Variants in XKR9 observed in about 807,000 individuals in gnomAD.
XKR9 encodes XK-related protein 9.
Under a neutral mutation model 32.0 loss-of-function variants are expected in XKR9, and 32 were observed. That is an observed-to-expected ratio of 1.00 (90% CI 0.76 to 1.34). XKR9 has a LOEUF of 1.34. Among genes scored for constraint, XKR9 ranks in the 40% most tolerant of loss-of-function variants. The pLI, the probability that XKR9 is intolerant of heterozygous loss-of-function variation, is 0.00. For synonymous variants in XKR9, 168 were observed against 143.4 expected (o/e 1.17, Z -1.22); for missense variants, 546 against 429.7 (o/e 1.27, Z -2.39).
At chr8:71,031,351 C>T in the XKR9 span, among the ~76,000 whole-genome samples, 485 of 152,260 alleles carry the variant, frequency 3.2e-3, 2 homozygotes, top group African/African-American at 0.011. Flanking sequence ...ATATACAGGA[C>T]ATTAAAATAT....
chr8:70,800,612 A>C, the XKR9 span, among the ~76,000 whole-genome samples: 1 of 152,128 alleles, frequency 6.6e-6, no homozygotes, highest in Non-Finnish European at 1.5e-5. Flanking sequence ...CAGCCTCCCA[A>C]GTAGGTGGGA....
At chr8:71,039,738 T>G in the XKR9 span, among the ~76,000 whole-genome samples, 4 of 152,160 alleles carry the variant, frequency 2.6e-5, no homozygotes, top group Non-Finnish European at 1.5e-5. Flanking sequence ...TCTCTCTGGG[T>G]TGACTCCCCT....
At chr8:70,697,052 G>T (rs1362194175) in intron 3 of XKR9, among the ~76,000 whole-genome samples, 1 of 146,584 alleles carries the variant, frequency 6.8e-6, no homozygotes, top group East Asian at 1.9e-4. Flanking sequence ...AGACTTTGCC[G>T]AAGTTGCTTA....
At chr8:70,869,849 G>A in the XKR9 span, among the ~76,000 whole-genome samples, 1 of 151,718 alleles carries the variant, frequency 6.6e-6, no homozygotes, top group East Asian at 1.9e-4. Context: ...TTATTATATA[G>A]TACCTTAGGC....
At chr8:70,850,729 A>G in the XKR9 span, among the ~76,000 whole-genome samples, 4 of 152,138 alleles carry the variant, frequency 2.6e-5, no homozygotes, top group African/African-American at 9.7e-5. Context: ...ATAAAATTCT[A>G]TACCCCTACT....
At chr8:71,015,099 C>A in the XKR9 span, among the ~76,000 whole-genome samples, 2 of 152,084 alleles carry the variant, frequency 1.3e-5, no homozygotes, top group East Asian at 3.9e-4. Flanking sequence ...CAAAGTGGTT[C>A]GTTTTGTGGG....
the XKR9 span, among the ~76,000 whole-genome samples, chr8:70,931,074 C>T: frequency 6.6e-6 from 1 of 150,982 alleles, no homozygotes; most frequent in African/African-American, 2.4e-5. Flanking sequence ...GAGAGAAATT[C>T]ATTTTCTTGT....
At chr8:70,895,847 A>T in the XKR9 span, among the ~76,000 whole-genome samples, 1 of 151,572 alleles carries the variant, frequency 6.6e-6, no homozygotes, top group Non-Finnish European at 1.5e-5. Flanking sequence ...AAGAAAAAAA[A>T]ATTAGCCGGG....
chr8:70,704,567 A>G (rs1805654123), intron 3 of XKR9, among the ~76,000 whole-genome samples: 1 of 152,196 alleles, frequency 6.6e-6, no homozygotes. Context: ...TAAACCAGGA[A>G]GTAGTGGAGC....
At chr8:70,928,018 A>T in the XKR9 span, among the ~76,000 whole-genome samples, 7 of 152,162 alleles carry the variant, frequency 4.6e-5, no homozygotes, top group Non-Finnish European at 8.8e-5. Flanking sequence ...TTGCTTTTCT[A>T]TCAGGGCTCA....
the XKR9 span, among the ~76,000 whole-genome samples, chr8:70,982,209 A>T: frequency 6.6e-6 from 1 of 152,144 alleles, no homozygotes; most frequent in African/African-American, 2.4e-5. Flanking sequence ...CTCGTTAAGT[A>T]TTCAGGTTTT....
chr8:70,968,295 T>C, the XKR9 span, among the ~76,000 whole-genome samples: 3 of 152,204 alleles, frequency 2.0e-5, no homozygotes, highest in African/African-American at 7.2e-5. Context: ...TCAGGTCAGT[T>C]ATGCTCCTCT....
intron 2 of XKR9, among the ~76,000 whole-genome samples, chr8:70,756,736 C>A (rs1011964300): frequency 6.6e-6 from 1 of 152,106 alleles, no homozygotes; most frequent in Non-Finnish European, 1.5e-5. Flanking sequence ...TATTCACTAG[C>A]GCCAATAGTT....
the XKR9 span, among the ~76,000 whole-genome samples, chr8:70,973,794 T>C: frequency 1.3e-5 from 2 of 152,234 alleles, no homozygotes; most frequent in Non-Finnish European, 2.9e-5. Context: ...TGGAGTTGAT[T>C]TCCAATTTTA....
the XKR9 span, among the ~76,000 whole-genome samples, chr8:70,998,391 A>G: frequency 6.6e-6 from 1 of 152,138 alleles, no homozygotes; most frequent in African/African-American, 2.4e-5. Flanking sequence ...CTCTCTCAAG[A>G]GCATAGGGAC....
chr8:70,757,667 A>T lies in XKR9; in HGVS notation n.353-31672A>T, dbSNP rs1254318963. 2.0e-5 allele frequency among the ~76,000 whole-genome samples: 3 copies of T among 152,088 alleles called. No individual in the cohort carries two copies. The East Asian group carries it at 5.8e-4, about 29-fold the overall frequency. ...GGTGCCGCAATCTCGGCTCACTGCA[A>T]CCTCTGCCTCTGGGTTCAAGTGATT... On this transcript the variant is annotated intron_variant and non_coding_transcript_variant, in intron 2 of 3. Transcript: ENST00000520273.
intron 2 of XKR9, among the ~76,000 whole-genome samples, chr8:70,784,923 ATTTAATCAAATGCT>A: frequency 6.6e-6 from 1 of 151,974 alleles, no homozygotes; most frequent in South Asian, 2.1e-4. Flanking sequence ...AGGATGTCGA[ATTTAATCAAATGCT>A]TTTTCTACAC....
At chr8:70,756,262 A>T (rs990467601) in intron 2 of XKR9, among the ~76,000 whole-genome samples, 1 of 152,274 alleles carries the variant, frequency 6.6e-6, no homozygotes, top group East Asian at 1.9e-4. Context: ...ACTGTTGATT[A>T]CTGTTGCTTT....
the XKR9 span, among the ~76,000 whole-genome samples, chr8:71,024,191 G>A: frequency 6.6e-6 from 1 of 152,202 alleles, no homozygotes; most frequent in East Asian, 1.9e-4. Flanking sequence ...GTGCATGCAA[G>A]TGCACTGCAG....
Sources: gnomAD v4.1 joint callset for allele counts (sites outside exome capture counted in the v4.1 genomes callset) on GRCh38, gnomAD v4.1.1 for gene constraint, MANE v1.5 for transcripts, NCBI Gene and HGNC (gene_info 2026-07-23, HGNC 2026-07-21) for gene names.